Variants in NADSYN1 observed in about 807,000 individuals in gnomAD.
The protein encoded by NADSYN1 is glutamine-dependent NAD(+) synthetase.
NADSYN1 carries 80 observed loss-of-function variants against 99.3 expected under a neutral mutation model. The ratio of observed to expected loss-of-function variants is 0.81; its 90% CI spans 0.67 to 0.97. The LOEUF (loss-of-function observed/expected upper bound fraction) is 0.97. NADSYN1 is among the 50% of genes least tolerant of loss of function. The pLI is 0.00. For missense variants in NADSYN1, 859 were observed against 948.5 expected, an observed-to-expected ratio of 0.91 and a Z score of 1.24; for synonymous variants, 385 against 372.1, an observed-to-expected ratio of 1.03 and a Z score of -0.40.
chr11:71,483,007 C>G lies in NADSYN1; in HGVS notation c.1309C>G (p.Gln437Glu). 2 of 1,612,034 alleles carry G rather than the reference C, an allele frequency of 1.2e-6. No individual in the cohort carries two copies. The highest frequency in any genetic ancestry group is 1.3e-5 in the African/African-American group (1 of 74,914). Reference sequence around the variant, plus strand: ...CACCCGGGCCAGAGAGTTGGCCCAGCAGATTGGAAGGTAGAGTTGGTCCCT... The same window carrying G: ...CACCCGGGCCAGAGAGTTGGCCCAGGAGATTGGAAGGTAGAGTTGGTCCCT... ...TCTRARELAQ[Q>E]IGSHHISLNI... The change falls in exon 14 of 21, where the codon CAG (glutamine) becomes GAG (glutamate). Residue 437 changes from glutamine (Q) to glutamate (E), a missense_variant. Physicochemically the swap from Gln to Glu is conservative, Grantham distance 29. Coordinates refer to ENST00000319023, the MANE Select transcript of NADSYN1 (RefSeq NM_018161.5).
intron 5 of NADSYN1, among the ~76,000 whole-genome samples, chr11:71,468,922 G>A (rs1251514681): frequency 2.0e-5 from 3 of 152,206 alleles, no homozygotes; most frequent in Non-Finnish European, 2.9e-5. Context: ...CCAGAGATGT[G>A]TAAGCCCTGT....
intron 4 of NADSYN1, among the ~76,000 whole-genome samples, 197 bp from the exon 5 acceptor site, chr11:71,463,856 C>T (rs994503615): frequency 3.3e-5 from 5 of 152,188 alleles, no homozygotes; most frequent in Non-Finnish European, 7.3e-5. Context: ...TCATCGTTGA[C>T]GGTCACGAAT....
chr11:71,486,635 C>G (rs1003689383), intron 16 of NADSYN1, among the ~76,000 whole-genome samples: 3 of 151,912 alleles, frequency 2.0e-5, no homozygotes, highest in Admixed American at 1.3e-4. Flanking sequence ...ACCCATCTGT[C>G]CATCTATCCA....
chr11:71,487,793 T>C (rs1949751795), intron 16 of NADSYN1, among the ~76,000 whole-genome samples: 4 of 131,170 alleles, frequency 3.0e-5, no homozygotes, highest in Admixed American at 1.9e-4. Flanking sequence ...TTCGCGCCAC[T>C]GCACTCCAGC....
At chr11:71,469,336 G>C (rs1300312566) in intron 5 of NADSYN1, among the ~76,000 whole-genome samples, 2 of 152,120 alleles carry the variant, frequency 1.3e-5, no homozygotes, top group East Asian at 1.9e-4. Context: ...GCTGGGCGTT[G>C]TGGTGTGCAC....
chr11:71,478,324 A>G (rs1227182234), intron 9 of NADSYN1, 71 bp from the exon 10 acceptor site: 34 of 1,297,316 alleles, frequency 2.6e-5, no homozygotes, highest in Non-Finnish European at 3.7e-5. Flanking sequence ...CACCTTTGAC[A>G]GTGGCCAAAT....
chr11:71,454,981 G>A, intron 1 of NADSYN1, 129 bp from the exon 2 acceptor site: 1 of 678,538 alleles, frequency 1.5e-6, no homozygotes. Context: ...CGTCTGGGAA[G>A]GCACAGAGCA....
chr11:71,492,161 G>GC (rs1261421256), intron 18 of NADSYN1, among the ~76,000 whole-genome samples: 4 of 152,154 alleles, frequency 2.6e-5, no homozygotes, highest in African/African-American at 9.7e-5. Flanking sequence ...GCGGAGGAAC[G>GC]CAAGTTCCTC....
chr11:71,497,550 G>C lies in NADSYN1; in HGVS notation c.1832G>C (p.Gly611Ala). 6.2e-7 allele frequency: 1 copy of C among 1,614,152 alleles called. No individual in the cohort carries two copies. Among genetic ancestry groups the C allele is most frequent in the Non-Finnish European group, 8.5e-7 (1 of 1,180,028 alleles). ...AAACTCAGGAAGGTGGCCAAGATGGGGCCCTACAGCATGTTCTGCAAACTC... is the reference window on the plus strand; with the variant it reads ...AAACTCAGGAAGGTGGCCAAGATGGCGCCCTACAGCATGTTCTGCAAACTC... ...YGKLRKVAKM[G>A]PYSMFCKLLG... The change falls in exon 19 of 21, where the codon GGG becomes GCG. Residue 611 changes from glycine to alanine, a missense_variant. Transcript: ENST00000319023.
At chr11:71,457,341 T>C (rs1434193760) in intron 2 of NADSYN1, among the ~76,000 whole-genome samples, 1 of 152,240 alleles carries the variant, frequency 6.6e-6, no homozygotes, top group African/African-American at 2.4e-5. Context: ...AAGTCACAAT[T>C]GCTGGTTTTG....
Position 71,491,775 on chromosome 11 carries a change from C to T in NADSYN1, c.1695-59C>T. 2.0e-6 allele frequency: 3 copies of T among 1,518,094 alleles called. No homozygotes were observed. The South Asian group carries it at 3.4e-5, about 17-fold the overall frequency. 94.0% of individuals were successfully genotyped at this position (1,518,094 alleles called of 1,614,324 possible). A position where few individuals can be genotyped will look rare whatever the true frequency, so the allele number is the denominator to read the frequency against. ...GGAAACTTAGTCTGGGGATTCTCTCCCAGAGCTCACACCACCCTCGCAGCT... is the reference window on the plus strand; with the variant it reads ...GGAAACTTAGTCTGGGGATTCTCTCTCAGAGCTCACACCACCCTCGCAGCT... On this transcript the variant is annotated intron_variant, in intron 17 of 20. Transcript: ENST00000319023.
At chr11:71,473,160 GAGAGCCC>G in intron 6 of NADSYN1, 111 bp from the exon 7 acceptor site, 1 of 977,946 alleles carries the variant, frequency 1.0e-6, no homozygotes. Context: ...CGGAATGTGC[GAGAGCCC>G]AGAGCCAACT....
chr11:71,487,828 C>T (rs1255845437), intron 16 of NADSYN1, among the ~76,000 whole-genome samples: 6 of 31,892 alleles, frequency 1.9e-4, no homozygotes, highest in African/African-American at 3.2e-4. Flanking sequence ...AAGACTCCGT[C>T]TCAAAAAAAA....
intron 18 of NADSYN1, among the ~76,000 whole-genome samples, chr11:71,493,771 A>C (rs959879000): frequency 2.0e-5 from 3 of 152,198 alleles, no homozygotes; most frequent in Admixed American, 2.0e-4. Context: ...TGTGTGTGGC[A>C]GCTGACAATG....
intron 17 of NADSYN1, 128 bp downstream of exon 17, chr11:71,491,104 G>A: frequency 7.7e-7 from 1 of 1,305,058 alleles, no homozygotes; most frequent in Non-Finnish European, 1.0e-6. Flanking sequence ...CTGCCCCTGA[G>A]CTGGCACTTG....
chr11:71,491,019 C>T, intron 17 of NADSYN1, 43 bp downstream of exon 17: 1 of 1,611,614 alleles, frequency 6.2e-7, no homozygotes, highest in African/African-American at 1.3e-5. Context: ...CACGGGGCTC[C>T]TCTCCCAGCA....
At chr11:71,458,332 C>A in intron 2 of NADSYN1, 96 bp from the exon 3 acceptor site, 4 of 868,954 alleles carry the variant, frequency 4.6e-6, no homozygotes, top group South Asian at 4.4e-5. Flanking sequence ...TGAGCCCCGG[C>A]CCCCAGACAC....
Position 71,501,409 on chromosome 11 carries a change from G to A in NADSYN1, c.*57G>A, listed in dbSNP as rs1174908347. On this transcript the variant is annotated 3_prime_UTR_variant, in exon 21 of 21. Coordinates refer to ENST00000319023, the MANE Select transcript of NADSYN1 (RefSeq NM_018161.5). ...CGGGGACCCCAGCACCTCATCATCA[G>A]CATTGCTGGAGCCAAGGGTAGGAGC... The A allele has an allele frequency of 1.3e-6, 2 of 1,531,786 alleles. No homozygotes were observed. Among genetic ancestry groups the A allele is most frequent in the Admixed American group, 3.8e-5 (2 of 52,126 alleles). 94.9% of individuals were successfully genotyped at this position (1,531,786 alleles called of 1,614,324 possible).
rs139488604 is a variant in NADSYN1 at position 71,501,340 on chromosome 11, C to T, written c.2109C>T (p.Asp703=). The change falls in exon 21 of 21, where the codon GAC becomes GAT. Residue 703 remains aspartate (D), a synonymous_variant. Transcript: ENST00000319023. ...AGAGGGCAGAGCCACAGTCCCTGGA[C>T]GGCGTGGACTGAGGCCGGTTCCTTC... ...QLERAEPQSL[D]GVD 131 of 1,606,928 alleles carry T rather than the reference C, an allele frequency of 8.2e-5. No homozygotes were observed. Among genetic ancestry groups the T allele is most frequent in the East Asian group, 1.8e-4 (8 of 44,668 alleles).
Sources: allele counts gnomAD v4.1 joint callset (sites outside exome capture counted in the v4.1 genomes callset), GRCh38; gene constraint gnomAD v4.1.1; transcripts MANE v1.5; gene names NCBI Gene and HGNC (gene_info 2026-07-23, HGNC 2026-07-21).